Variants in CFTR observed in about 807,000 individuals in gnomAD.
The protein encoded by CFTR is cystic fibrosis transmembrane conductance regulator.
A neutral mutation model predicts 171.6 loss-of-function variants in CFTR; 181 were observed. The ratio of observed to expected loss-of-function variants is 1.05; its 90% confidence interval spans 0.93 to 1.19. The LOEUF (loss-of-function observed/expected upper bound fraction) is 1.19, where lower values mean the gene tolerates loss of function less well. Among genes scored for constraint, CFTR ranks in the 50% most tolerant of loss-of-function variants. The pLI, the probability that CFTR is intolerant of heterozygous loss-of-function variation, is 0.00. For missense variants in CFTR, 1,968 were observed against 1,734.7 expected (o/e 1.13, Z -2.39); for synonymous variants, 583 against 608.0 (o/e 0.96, Z 0.60).
intron 24 of CFTR, among the ~76,000 whole-genome samples, chr7:117,654,457 C>T (rs565808807): frequency 1.2e-4 from 18 of 152,002 alleles, no homozygotes; most frequent in African/African-American, 3.6e-4. Flanking sequence ...TGGGTGTGTC[C>T]CCACCCAAAT....
intron 3 of CFTR, among the ~76,000 whole-genome samples, chr7:117,530,150 A>C (rs562872958): frequency 6.6e-6 from 1 of 152,096 alleles, no homozygotes; most frequent in African/African-American, 2.4e-5. Flanking sequence ...TCTCTCATTG[A>C]CTCACGGGCC....
intron 11 of CFTR, among the ~76,000 whole-genome samples, chr7:117,583,900 T>G (rs1791890757): frequency 6.6e-6 from 1 of 152,212 alleles, no homozygotes; most frequent in Non-Finnish European, 1.5e-5. Context: ...CATTGTGGTT[T>G]TAATTTGCAT....
At chr7:117,568,836 G>C (rs1791643585) in intron 11 of CFTR, among the ~76,000 whole-genome samples, 1 of 152,124 alleles carries the variant, frequency 6.6e-6, no homozygotes, top group African/African-American at 2.4e-5. Context: ...CTATACAATA[G>C]AGCTCCAGGA....
chr7:117,615,512 G>T (rs1287915851), intron 21 of CFTR, among the ~76,000 whole-genome samples: 1 of 151,602 alleles, frequency 6.6e-6, no homozygotes, highest in African/African-American at 2.4e-5. Context: ...ACATTATTTA[G>T]TGATAGCACC....
chr7:117,615,421 CTTGA>C (rs1325472780), intron 21 of CFTR, among the ~76,000 whole-genome samples: 1 of 151,914 alleles, frequency 6.6e-6, no homozygotes, highest in Non-Finnish European at 1.5e-5. Context: ...CTTTTGGTAT[CTTGA>C]TTAAGAACTC....
At chr7:117,614,861 C>T (rs1792461889) in intron 21 of CFTR, 148 bp downstream of exon 21, 1 of 659,980 alleles carries the variant, frequency 1.5e-6, no homozygotes, top group South Asian at 1.6e-5. Flanking sequence ...GTGTATCTGT[C>T]ATTAAATCCT....
At chr7:117,543,542 A>G (rs1404825253) in intron 9 of CFTR, among the ~76,000 whole-genome samples, 2 of 152,160 alleles carry the variant, frequency 1.3e-5, no homozygotes, top group African/African-American at 4.8e-5. Context: ...TGTCCCAATT[A>G]ATTCTCACAG....
At chr7:117,514,571 G>T (rs1240407543) in intron 3 of CFTR, among the ~76,000 whole-genome samples, 1 of 152,066 alleles carries the variant, frequency 6.6e-6, no homozygotes, top group Non-Finnish European at 1.5e-5. Flanking sequence ...ATGGGCATTT[G>T]GGTTGGTTCC....
intron 22 of CFTR, among the ~76,000 whole-genome samples, chr7:117,638,853 C>G (rs1453528773): frequency 6.6e-6 from 1 of 152,092 alleles, no homozygotes; most frequent in African/African-American, 2.4e-5. Flanking sequence ...GCCTTTAGAA[C>G]TTATAACAGC....
chr7:117,657,858 T>C (rs1349985574), intron 24 of CFTR, among the ~76,000 whole-genome samples: 1 of 152,170 alleles, frequency 6.6e-6, no homozygotes, highest in East Asian at 1.9e-4. Flanking sequence ...GGCCAAGAAA[T>C]GCTTTATTTC....
intron 3 of CFTR, among the ~76,000 whole-genome samples, chr7:117,519,261 A>T (rs1269737551): frequency 1.3e-5 from 2 of 152,112 alleles, no homozygotes; most frequent in Non-Finnish European, 1.5e-5. Flanking sequence ...TCTTCAGTGG[A>T]TTAAGCGTGA....
At position 117,667,376 on chromosome 7, in the gene CFTR, AT is replaced by A. The variant is rs2116227455; in HGVS notation, c.*272del. The A allele has an allele frequency of 2.3e-6, 1 of 434,060 alleles. No individual in the cohort carries two copies. The highest frequency in any genetic ancestry group is 2.1e-5 in the South Asian group (1 of 47,532). 26.9% of individuals were successfully genotyped at this position (434,060 alleles called of 1,614,324 possible). A position where few individuals can be genotyped will look rare whatever the true frequency, so the allele number is the denominator to read the frequency against. ...TTACCACTTGTGTTTTGCAAGCCAG[AT>A]TTTCCTGAAAACCCTTGCCATGTGC... On this transcript the variant is annotated 3_prime_UTR_variant, in exon 27 of 27. Transcript: ENST00000003084.
At chr7:117,524,273 C>T (rs914904391) in intron 3 of CFTR, among the ~76,000 whole-genome samples, 1 of 151,706 alleles carries the variant, frequency 6.6e-6, no homozygotes, top group Non-Finnish European at 1.5e-5. Flanking sequence ...AAATAATGCC[C>T]CTTGCTCTCT....
intron 1 of CFTR, among the ~76,000 whole-genome samples, chr7:117,501,381 A>C (rs1048572523): frequency 1.3e-5 from 2 of 152,076 alleles, no homozygotes; most frequent in African/African-American, 2.4e-5. Context: ...ATTGTTAAAC[A>C]TGGCCATTAT....
intron 22 of CFTR, among the ~76,000 whole-genome samples, chr7:117,640,788 T>G (rs541700995): frequency 1.7e-4 from 26 of 152,278 alleles, no homozygotes; most frequent in African/African-American, 5.5e-4. Context: ...TGAACAAAAT[T>G]GATTAAATCC....
chr7:117,482,279 G>T (rs2116607499), intron 1 of CFTR, among the ~76,000 whole-genome samples: 1 of 152,240 alleles, frequency 6.6e-6, no homozygotes, highest in East Asian at 1.9e-4. Flanking sequence ...CCTTCAGTTT[G>T]AGAGTCATAA....
At chr7:117,643,116 T>C (rs1422064982) in intron 23 of CFTR, among the ~76,000 whole-genome samples, 1 of 152,148 alleles carries the variant, frequency 6.6e-6, no homozygotes, top group Non-Finnish European at 1.5e-5. Context: ...TCTAGTCTCA[T>C]TGCCTTAGTA....
chr7:117,484,641 G>A (rs555855740), intron 1 of CFTR, among the ~76,000 whole-genome samples: 1 of 152,010 alleles, frequency 6.6e-6, no homozygotes, highest in East Asian at 1.9e-4. Context: ...AACTCTCAGA[G>A]TTCTAAAAGT....
chr7:117,566,129 G>A (rs953316212), intron 11 of CFTR, among the ~76,000 whole-genome samples: 3 of 151,992 alleles, frequency 2.0e-5, no homozygotes, highest in Non-Finnish European at 4.4e-5. Flanking sequence ...AAGATATAAT[G>A]GACATCTGAA....
Sources: allele counts gnomAD v4.1 joint callset (sites outside exome capture counted in the v4.1 genomes callset), GRCh38; gene constraint gnomAD v4.1.1; transcripts MANE v1.5; gene names NCBI Gene and HGNC (gene_info 2026-07-23, HGNC 2026-07-21).